PRKN: variants seen among roughly 807,000 people sequenced by gnomAD.
PRKN encodes E3 ubiquitin-protein ligase parkin.
PRKN carries 56 observed loss-of-function variants against 59.5 expected under a neutral mutation model. The observed-to-expected ratio is 0.94, with a 90% CI of 0.76 to 1.18. PRKN has a LOEUF of 1.18. Among genes scored for constraint, PRKN ranks in the 50% most tolerant of loss-of-function variants. The pLI is 0.00. For synonymous variants in PRKN, 250 were observed against 222.1 expected (o/e 1.13, Z -1.12); for missense variants, 657 against 596.4 (o/e 1.10, Z -1.06).
intron 2 of PRKN, among the ~76,000 whole-genome samples, chr6:162,334,370 T>G (rs963529693): frequency 2.0e-5 from 3 of 152,190 alleles, no homozygotes; most frequent in African/African-American, 7.2e-5. Flanking sequence ...TAGGGGCAAA[T>G]GCAGCTGGTT....
intron 7 of PRKN, among the ~76,000 whole-genome samples, chr6:161,683,467 G>A (rs768976639): frequency 3.3e-5 from 5 of 152,140 alleles, no homozygotes; most frequent in Non-Finnish European, 7.4e-5. Context: ...AACAGAAGAC[G>A]AACAAAGGGG....
chr6:162,038,683 T>C lies in PRKN; in HGVS notation c.618+15408A>G, dbSNP rs538794760. On this transcript the variant is annotated intron_variant, in intron 5 of 11. Coordinates refer to ENST00000366898, the MANE Select transcript of PRKN (RefSeq NM_004562.3). ...AAAATAAACCATCAGATAAAATCATTTGTAAATATGTCACTGATGTTGACT... is the reference window on the plus strand; with the variant it reads ...AAAATAAACCATCAGATAAAATCATCTGTAAATATGTCACTGATGTTGACT... Among the ~76,000 whole-genome samples the C allele has an allele frequency of 2.6e-5, 4 of 152,294 alleles. No homozygotes were observed. The East Asian group carries it at 5.8e-4, about 22-fold the overall frequency.
chr6:161,968,853 C>T lies in PRKN; in HGVS notation c.734+4449G>A, dbSNP rs188033281. Among the ~76,000 whole-genome samples the T allele has an allele frequency of 5.5e-3, 831 of 152,004 alleles. 4 individuals carry two copies. The highest frequency in any genetic ancestry group is 0.017 in the African/African-American group (715 of 41,472). ...TAAACTGTATATTTATAAAGGACAC[C>T]GTGATATTATGAATAGTGAATGAGA... On this transcript the variant is annotated intron_variant, in intron 6 of 11. Coordinates refer to ENST00000366898, the MANE Select transcript of PRKN (RefSeq NM_004562.3).
chr6:162,038,861 A>G (rs973222518), intron 5 of PRKN, among the ~76,000 whole-genome samples: 35 of 152,272 alleles, frequency 2.3e-4, no homozygotes, highest in African/African-American at 6.7e-4. Flanking sequence ...AGTTGACTTG[A>G]AAGTCCTTGC....
chr6:161,842,115 T>C (rs1333182385), intron 6 of PRKN, among the ~76,000 whole-genome samples: 3 of 152,132 alleles, frequency 2.0e-5, no homozygotes, highest in Non-Finnish European at 4.4e-5. Context: ...TCAGGTTGCA[T>C]TTATTAAACA....
At chr6:162,301,713 T>G (rs1781959979) in intron 2 of PRKN, among the ~76,000 whole-genome samples, 1 of 142,902 alleles carries the variant, frequency 7.0e-6, no homozygotes, top group Non-Finnish European at 1.5e-5. Flanking sequence ...TGAATTGCCT[T>G]GGTAAAGACC....
intron 7 of PRKN, among the ~76,000 whole-genome samples, chr6:161,606,962 G>A (rs1177871883): frequency 6.6e-6 from 1 of 152,192 alleles, no homozygotes; most frequent in African/African-American, 2.4e-5. Flanking sequence ...GCATGGGGGG[G>A]AGATGAGGGG....
Position 162,621,419 on chromosome 6 carries a change from C to A in PRKN, c.7+106243G>T, listed in dbSNP as rs888249817. On this transcript the variant is annotated intron_variant, in intron 1 of 11. Coordinates refer to ENST00000366898, the MANE Select transcript of PRKN (RefSeq NM_004562.3). Reference sequence around the variant, plus strand: ...GCTCCTCCCATCACCACAAAGATCACAGATAACGGCATGTGAGTTCACCTT... The same window carrying A: ...GCTCCTCCCATCACCACAAAGATCAAAGATAACGGCATGTGAGTTCACCTT... Among the ~76,000 whole-genome samples the A allele has an allele frequency of 3.9e-5, 6 of 152,280 alleles. No individual in the cohort carries two copies. The East Asian group carries it at 9.7e-4, about 25-fold the overall frequency.
At chr6:162,561,533 T>C (rs1271218358) in intron 1 of PRKN, among the ~76,000 whole-genome samples, 3 of 152,070 alleles carry the variant, frequency 2.0e-5, no homozygotes, top group Non-Finnish European at 2.9e-5. Flanking sequence ...TTCCACTTCA[T>C]ATCCCTGAAA....
intron 7 of PRKN, among the ~76,000 whole-genome samples, chr6:161,639,118 C>T (rs1342230383): frequency 1.3e-5 from 2 of 152,162 alleles, no homozygotes; most frequent in Non-Finnish European, 2.9e-5. Flanking sequence ...GTTTGCTTTC[C>T]CTTCCGCCAT....
At chr6:162,005,031 G>A (rs1336698424) in intron 5 of PRKN, among the ~76,000 whole-genome samples, 1 of 152,176 alleles carries the variant, frequency 6.6e-6, no homozygotes, top group East Asian at 1.9e-4. Flanking sequence ...GCCTGTAAAG[G>A]CACTTAAATT....
chr6:162,165,825 G>T (rs1782952825), intron 4 of PRKN, among the ~76,000 whole-genome samples: 1 of 151,892 alleles, frequency 6.6e-6, no homozygotes, highest in East Asian at 1.9e-4. Context: ...GAGGCAGGCG[G>T]ATCCCCTTAG....
intron 3 of PRKN, among the ~76,000 whole-genome samples, chr6:162,205,208 C>T (rs998643344): frequency 6.6e-6 from 1 of 152,106 alleles, no homozygotes; most frequent in African/African-American, 2.4e-5. Flanking sequence ...CCTAACAGAA[C>T]CCTCAGTCAA....
chr6:162,200,947 G>T (rs1784703375), intron 4 of PRKN, among the ~76,000 whole-genome samples, 184 bp downstream of exon 4: 1 of 152,196 alleles, frequency 6.6e-6, no homozygotes, highest in East Asian at 1.9e-4. Context: ...TCACAGAGCA[G>T]AAAGAAATCC....
intron 1 of PRKN, among the ~76,000 whole-genome samples, chr6:162,525,466 G>T (rs758098517): frequency 1.3e-5 from 2 of 152,118 alleles, no homozygotes; most frequent in Non-Finnish European, 2.9e-5. Context: ...GGCCAGGCTT[G>T]ATCCAAATCC....
chr6:161,992,827 G>A (rs1781701305), intron 5 of PRKN, among the ~76,000 whole-genome samples: 1 of 152,002 alleles, frequency 6.6e-6, no homozygotes, highest in South Asian at 2.1e-4. Context: ...ACAAATACAC[G>A]GAAATTTAAC....
chr6:161,866,078 G>A (rs974860567), intron 6 of PRKN, among the ~76,000 whole-genome samples: 1 of 152,098 alleles, frequency 6.6e-6, no homozygotes, highest in Non-Finnish European at 1.5e-5. Flanking sequence ...TGGGATTAGG[G>A]AGGCCCAAGG....
intron 6 of PRKN, among the ~76,000 whole-genome samples, chr6:161,970,428 C>T (rs12193947): frequency 6.7e-6 from 1 of 149,606 alleles, no homozygotes; most frequent in South Asian, 2.1e-4. Flanking sequence ...TATACATACA[C>T]ACACAATATA....
chr6:161,429,109 G>A lies in PRKN; in HGVS notation c.1084-42232C>T, dbSNP rs967588951. Among the ~76,000 whole-genome samples the A allele has an allele frequency of 7.2e-5, 11 of 152,216 alleles. No homozygotes were observed. The highest frequency in any genetic ancestry group is 2.4e-4 in the African/African-American group (10 of 41,438). On this transcript the variant is annotated intron_variant, in intron 9 of 11. Transcript: ENST00000366898. The surrounding 1 kb of genome is among the most constrained non-coding windows in gnomAD (Gnocchi z 4.2). ...TGGCACCTTTGCTAACCTTGATTGT[G>A]CCTTGAGATATTCACCTTTCCTTCA...
Sources: allele counts gnomAD v4.1 joint callset (sites outside exome capture counted in the v4.1 genomes callset), GRCh38; gene constraint gnomAD v4.1.1; non-coding constraint Gnocchi (gnomAD v3.1); transcripts MANE v1.5; gene names NCBI Gene and HGNC (gene_info 2026-07-23, HGNC 2026-07-21).